The following VWF variants were observed in gnomAD, a reference collection of about 807,000 sequenced individuals.
The protein encoded by VWF is von Willebrand factor.
In VWF, 176 loss-of-function variants were observed where a neutral mutation model predicts 308.6. The ratio of observed to expected loss-of-function variants is 0.57; its 90% CI spans 0.50 to 0.65. VWF has a LOEUF of 0.65. Among genes scored for constraint, VWF ranks in the 30% least tolerant of loss-of-function variants. VWF has a pLI of 0.00. For missense variants in VWF, 3,146 were observed against 3,648.2 expected, an observed-to-expected ratio of 0.86 and a Z score of 3.55; for synonymous variants, 1,385 against 1,443.4, an observed-to-expected ratio of 0.96 and a Z score of 0.92.
At chr12:6,094,343 T>C (rs559715763) in intron 6 of VWF, among the ~76,000 whole-genome samples, 40 of 152,338 alleles carry the variant, frequency 2.6e-4, no homozygotes, top group African/African-American at 9.6e-4. Context: ...TCTGCAACTA[T>C]AAAGTAGTTT....
rs1944056595 is a variant in VWF at position 6,016,303 on chromosome 12, C to T, written c.5312-71G>A. The T allele has an allele frequency of 1.6e-5, 25 of 1,607,620 alleles. No homozygotes were observed. The South Asian group carries it at 2.2e-4, about 14-fold the overall frequency. On this transcript the variant is annotated intron_variant, in intron 30 of 51. Transcript: ENST00000261405. ...TCGACACCCTGTCTTAACGGTGGAT[C>T]CTTAAGTCACTTAAAAGCTGAATGA...
intron 51 of VWF, among the ~76,000 whole-genome samples, chr12:5,949,424 C>G (rs1943153496): frequency 6.6e-6 from 1 of 152,182 alleles, no homozygotes. Context: ...ACCCCTCTAG[C>G]TGCAATTTTT....
intron 10 of VWF, 62 bp downstream of exon 10, chr12:6,071,235 A>G: frequency 1.3e-6 from 2 of 1,589,312 alleles, no homozygotes; most frequent in Non-Finnish European, 1.7e-6. Context: ...GTCTGGTAAG[A>G]GAGGAGGAGA....
intron 3 of VWF, among the ~76,000 whole-genome samples, chr12:6,112,603 A>G (rs1322203918): frequency 1.3e-5 from 2 of 152,162 alleles, no homozygotes; most frequent in African/African-American, 4.8e-5. Flanking sequence ...CTTCTCCTAG[A>G]AGGGATAGGG....
intron 6 of VWF, among the ~76,000 whole-genome samples, chr12:6,095,058 A>G (rs1310545027): frequency 6.6e-6 from 1 of 151,960 alleles, no homozygotes; most frequent in East Asian, 1.9e-4. Flanking sequence ...TTGGCCTCCC[A>G]AAGTGCTGGG....
intron 45 of VWF, 87 bp from the exon 46 acceptor site, chr12:5,968,254 C>G: frequency 3.9e-6 from 6 of 1,541,342 alleles, no homozygotes; most frequent in South Asian, 1.1e-5. Flanking sequence ...GGGGCTCCTC[C>G]TCCGTGTCTG....
Position 6,018,496 on chromosome 12 carries a change from C to T in VWF, c.4922G>A (p.Arg1641Lys), listed in dbSNP as rs1944088119. Residue 1641 changes from arginine (R) to lysine (K), a missense_variant, in exon 28 of 52, where the codon AGG becomes AAG. Physicochemically the swap from Arg to Lys is conservative, Grantham distance 26 (BLOSUM62 2). Around this residue, in one of 3 missense-constraint regions of VWF, gnomAD observed 853 missense variants for 1,177.8 expected, o/e 0.72. Transcript: ENST00000261405. Reference sequence around the variant, plus strand: ...GATAGGGGCATTGGGCCAGCCAATCCTCTCCAGCTCCTGCACGTTGGCATT... The same window carrying T: ...GATAGGGGCATTGGGCCAGCCAATCTTCTCCAGCTCCTGCACGTTGGCATT... ...GPNANVQELE[R>K]IGWPNAPILI... 1 of 1,613,838 alleles carries T rather than the reference C, an allele frequency of 6.2e-7. No homozygotes were observed. Among genetic ancestry groups the T allele is most frequent in the East Asian group, 2.2e-5 (1 of 44,852 alleles).
intron 45 of VWF, 57 bp downstream of exon 45, chr12:5,969,154 A>G: frequency 6.4e-7 from 1 of 1,562,186 alleles, no homozygotes; most frequent in East Asian, 2.4e-5. Context: ...CCAAAAGTGG[A>G]AAGAGAGGCT....
intron 18 of VWF, 25 bp downstream of exon 18, chr12:6,044,266 A>T: frequency 6.2e-7 from 1 of 1,613,598 alleles, no homozygotes; most frequent in South Asian, 1.1e-5. Flanking sequence ...AAGGGCAGGC[A>T]CCAGCTCTGT....
At chr12:6,101,478 T>C (rs775100761) in intron 5 of VWF, among the ~76,000 whole-genome samples, 4 of 150,010 alleles carry the variant, frequency 2.7e-5, no homozygotes, top group Non-Finnish European at 5.9e-5. Flanking sequence ...AAAAAAGGGA[T>C]GAAATAAAAA....
intron 49 of VWF, 41 bp downstream of exon 49, chr12:5,952,350 G>A (rs200007889): frequency 3.1e-6 from 5 of 1,612,724 alleles, no homozygotes; most frequent in Admixed American, 1.7e-5. Context: ...CTTGTTCTTA[G>A]AGATTGAGAC....
intron 15 of VWF, 49 bp downstream of exon 15, chr12:6,056,808 A>G: frequency 7.6e-7 from 1 of 1,323,478 alleles, no homozygotes; most frequent in Non-Finnish European, 9.6e-7. Flanking sequence ...GCACACGTGG[A>G]CGGATTTGGG....
At chr12:5,985,353 G>A (rs1938959029) in intron 39 of VWF, among the ~76,000 whole-genome samples, 1 of 152,178 alleles carries the variant, frequency 6.6e-6, no homozygotes. Flanking sequence ...CAGAGGCGAG[G>A]GTTAATCTGA....
At chr12:5,964,242 A>ACATACATACATACATGCATG in intron 47 of VWF, among the ~76,000 whole-genome samples, 1 of 136,970 alleles carries the variant, frequency 7.3e-6, no homozygotes, top group Non-Finnish European at 1.5e-5. Context: ...ATACATACAT[A>ACATACATACATACATGCATG]CATACATGCA....
chr12:6,101,592 T>C (rs758304564), intron 5 of VWF, among the ~76,000 whole-genome samples: 5 of 151,740 alleles, frequency 3.3e-5, no homozygotes, highest in Admixed American at 2.0e-4. Flanking sequence ...CTGGCCGATA[T>C]GGTGAAACCC....
chr12:5,959,274 C>T (rs1216372101), intron 47 of VWF, among the ~76,000 whole-genome samples: 1 of 152,066 alleles, frequency 6.6e-6, no homozygotes, highest in Non-Finnish European at 1.5e-5. Flanking sequence ...TTCATCAAGA[C>T]ATAAGAATGC....
rs1944532909 is a variant in VWF at position 6,052,786 on chromosome 12, A to G, written c.1946-3T>C. The G allele has an allele frequency of 6.6e-7, 1 of 1,507,128 alleles. No individual in the cohort carries two copies. Among genetic ancestry groups the G allele is most frequent in the Non-Finnish European group, 8.8e-7 (1 of 1,133,170 alleles). 93.4% of individuals were successfully genotyped at this position (1,507,128 alleles called of 1,614,324 possible). A position where few individuals can be genotyped will look rare whatever the true frequency, so the allele number is the denominator to read the frequency against. On this transcript the variant is annotated splice_polypyrimidine_tract_variant and splice_region_variant and intron_variant, in intron 15 of 51. Transcript: ENST00000261405. ...CTGGCCTTTCGGGCAGTTCAGCTCT[A>G]GAAGAGAGAGGAGAAGTAAGGCCTC...
intron 42 of VWF, among the ~76,000 whole-genome samples, chr12:5,977,774 G>C (rs139940975): frequency 6.6e-6 from 1 of 151,616 alleles, no homozygotes; most frequent in African/African-American, 2.4e-5. Flanking sequence ...AGGAGGCTGA[G>C]GGGGAGGATC....
chr12:6,056,000 G>A (rs77633122), intron 15 of VWF, among the ~76,000 whole-genome samples: 339 of 151,580 alleles, frequency 2.2e-3, no homozygotes, highest in African/African-American at 7.3e-3. Flanking sequence ...GAATATACTC[G>A]TCACTTCTAT....
Sources: allele counts gnomAD v4.1 joint callset (sites outside exome capture counted in the v4.1 genomes callset), GRCh38; gene constraint gnomAD v4.1.1; regional missense constraint gnomAD v4.1.1; transcripts MANE v1.5; gene names NCBI Gene and HGNC (gene_info 2026-07-23, HGNC 2026-07-21).